Variants in FHIT observed in about 807,000 individuals in gnomAD.
The protein encoded by FHIT is bis(5'-adenosyl)-triphosphatase.
In FHIT, 19 loss-of-function variants were observed where a neutral mutation model predicts 17.9. That is an observed-to-expected ratio of 1.06 (90% CI 0.74 to 1.56). The LOEUF (loss-of-function observed/expected upper bound fraction) is 1.56. FHIT is among the 40% of genes most tolerant of loss of function. FHIT has a pLI of 0.00. For missense variants in FHIT, 248 were observed against 189.2 expected (o/e 1.31, Z -1.82); for synonymous variants, 81 against 69.7 (o/e 1.16, Z -0.81).
chr3:61,099,755 A>T (rs2106844226), intron 2 of FHIT, among the ~76,000 whole-genome samples: 1 of 152,060 alleles, frequency 6.6e-6, no homozygotes, highest in South Asian at 2.1e-4. Context: ...GGGGTCAGTG[A>T]TAATATCCTC....
chr3:60,831,623 C>A (rs1203190304), intron 3 of FHIT, among the ~76,000 whole-genome samples: 1 of 149,742 alleles, frequency 6.7e-6, no homozygotes, highest in African/African-American at 2.5e-5. Context: ...AAACCATAAT[C>A]ATAAAAATTA....
chr3:60,019,664 T>C (rs1032646939), intron 5 of FHIT, among the ~76,000 whole-genome samples: 5 of 152,180 alleles, frequency 3.3e-5, no homozygotes, highest in African/African-American at 1.2e-4. Context: ...GTGATCCACC[T>C]GCCTTCACCT....
chr3:60,393,389 A>G (rs2107162115), intron 5 of FHIT, among the ~76,000 whole-genome samples: 1 of 149,946 alleles, frequency 6.7e-6, no homozygotes, highest in South Asian at 2.1e-4. Context: ...ATATTTTTGT[A>G]AAATTATTTA....
intron 8 of FHIT, among the ~76,000 whole-genome samples, chr3:59,809,836 C>T (rs966410109): frequency 6.6e-6 from 1 of 152,148 alleles, no homozygotes; most frequent in African/African-American, 2.4e-5. Context: ...TCACATTGTT[C>T]CTCCTTTGTT....
intron 5 of FHIT, among the ~76,000 whole-genome samples, chr3:60,407,628 T>A (rs1701915805): frequency 6.6e-6 from 1 of 152,160 alleles, no homozygotes; most frequent in Admixed American, 6.5e-5. Context: ...GATCCTCCTA[T>A]CTCGGCCTCC....
intron 5 of FHIT, among the ~76,000 whole-genome samples, chr3:60,485,712 T>C (rs1282762327): frequency 2.0e-5 from 3 of 152,068 alleles, no homozygotes; most frequent in Non-Finnish European, 4.4e-5. Context: ...CAAACCACCA[T>C]GGCACACGTA....
chr3:60,591,459 T>C (rs1006525609), intron 4 of FHIT, among the ~76,000 whole-genome samples: 1 of 152,064 alleles, frequency 6.6e-6, no homozygotes. Context: ...CAGGAGCTAG[T>C]TCCAAGCAAA....
chr3:60,835,033 A>G (rs1350439818), intron 3 of FHIT, among the ~76,000 whole-genome samples: 1 of 152,036 alleles, frequency 6.6e-6, no homozygotes, highest in African/African-American at 2.4e-5. Context: ...GATTCCAAAG[A>G]TTTTTCTCTA....
At chr3:60,111,365 A>G (rs1345269978) in intron 5 of FHIT, among the ~76,000 whole-genome samples, 1 of 152,200 alleles carries the variant, frequency 6.6e-6, no homozygotes, top group East Asian at 1.9e-4. Flanking sequence ...AGACAAACAT[A>G]TGCTTTTCAC....
chr3:60,659,455 C>T (rs2040190777), intron 4 of FHIT, among the ~76,000 whole-genome samples: 1 of 151,994 alleles, frequency 6.6e-6, no homozygotes. Flanking sequence ...GTTCCTTCTT[C>T]TTCAATATTT....
At chr3:60,673,984 AT>A (rs2040566605) in intron 4 of FHIT, among the ~76,000 whole-genome samples, 1 of 151,648 alleles carries the variant, frequency 6.6e-6, no homozygotes, top group African/African-American at 2.4e-5. Flanking sequence ...TTTTTAAACT[AT>A]TTTTTTTCCT....
chr3:61,044,889 A>G (rs1401316951), intron 2 of FHIT, among the ~76,000 whole-genome samples: 1 of 152,212 alleles, frequency 6.6e-6, no homozygotes. Context: ...ACTAATCTTC[A>G]CAAGTGAAGG....
chr3:60,655,246 G>T (rs576414747), intron 4 of FHIT, among the ~76,000 whole-genome samples: 3 of 152,278 alleles, frequency 2.0e-5, no homozygotes, highest in African/African-American at 7.2e-5. Context: ...GGGTGGGACT[G>T]GGAACTGTTA....
chr3:61,148,073 C>T (rs1331309020), intron 2 of FHIT, among the ~76,000 whole-genome samples: 2 of 150,894 alleles, frequency 1.3e-5, no homozygotes, highest in South Asian at 4.2e-4. Flanking sequence ...AAAACTATGC[C>T]CAGACAAAAG....
chr3:60,743,258 C>T (rs1021407146), intron 4 of FHIT, among the ~76,000 whole-genome samples: 1 of 152,174 alleles, frequency 6.6e-6, no homozygotes, highest in African/African-American at 2.4e-5. Flanking sequence ...ATATATAAAG[C>T]ACTTAACATG....
chr3:60,593,918 A>C (rs2107700760), intron 4 of FHIT, among the ~76,000 whole-genome samples: 1 of 152,196 alleles, frequency 6.6e-6, no homozygotes, highest in Non-Finnish European at 1.5e-5. Flanking sequence ...TATTTCTAAG[A>C]CCAAATATTC....
intron 2 of FHIT, among the ~76,000 whole-genome samples, chr3:61,138,789 T>C (rs2036990887): frequency 6.6e-6 from 1 of 152,258 alleles, no homozygotes; most frequent in East Asian, 1.9e-4. Flanking sequence ...CACAAGGGCT[T>C]CCTCCTCACT....
chr3:60,054,340 A>T (rs112678478), intron 5 of FHIT, among the ~76,000 whole-genome samples: 1 of 152,244 alleles, frequency 6.6e-6, no homozygotes, highest in Non-Finnish European at 1.5e-5. Context: ...AAAACACTTT[A>T]TGTGTGTGAG....
At chr3:61,175,357 A>G (rs1383193013) in intron 2 of FHIT, among the ~76,000 whole-genome samples, 3 of 152,052 alleles carry the variant, frequency 2.0e-5, no homozygotes, top group African/African-American at 7.2e-5. Flanking sequence ...TTCAACATCC[A>G]TCTTCCACCC....
Sources: allele counts gnomAD v4.1 joint callset (sites outside exome capture counted in the v4.1 genomes callset), GRCh38; gene constraint gnomAD v4.1.1; transcripts MANE v1.5; gene names NCBI Gene and HGNC (gene_info 2026-07-23, HGNC 2026-07-21).